Variants in KIF15 observed in about 807,000 individuals in gnomAD.
KIF15 encodes the protein kinesin family member 15, also known as kinesin-like protein KIF15.
In KIF15, 140 loss-of-function variants were observed where a neutral mutation model predicts 190.6. That is an observed-to-expected ratio of 0.73 (90% CI 0.64 to 0.84). The LOEUF (loss-of-function observed/expected upper bound fraction) is 0.84. KIF15 is among the 40% of genes least tolerant of loss of function. The probability of loss-of-function intolerance (pLI) is 0.00; values close to 1 mark genes in which losing one functional copy is unlikely to be tolerated. For synonymous variants in KIF15, 528 were observed against 551.3 expected, an observed-to-expected ratio of 0.96 and a Z score of 0.59; for missense variants, 1,372 against 1,584.4, an observed-to-expected ratio of 0.87 and a Z score of 2.28.
chr3:44,768,272 CA>C (rs961268295), intron 1 of KIF15, among the ~76,000 whole-genome samples: 8 of 127,972 alleles, frequency 6.3e-5, no homozygotes, highest in Admixed American at 1.6e-4. Context: ...GACTCCGTCT[CA>C]AAAAAAAAAG....
intron 30 of KIF15, among the ~76,000 whole-genome samples, chr3:44,843,576 T>A (rs1306247551): frequency 6.6e-6 from 1 of 152,238 alleles, no homozygotes; most frequent in Non-Finnish European, 1.5e-5. Flanking sequence ...GAGAATTCCC[T>A]ACTAGTTGGC....
chr3:44,780,979 C>T, intron 5 of KIF15, 57 bp downstream of exon 5: 1 of 1,260,212 alleles, frequency 7.9e-7, no homozygotes, highest in South Asian at 1.3e-5. Context: ...TAACAGTAAC[C>T]TACAACATTT....
At chr3:44,816,823 C>A (rs1297755437) in intron 20 of KIF15, among the ~76,000 whole-genome samples, 1 of 152,182 alleles carries the variant, frequency 6.6e-6, no homozygotes, top group Admixed American at 6.5e-5. Context: ...ACACTGTCTT[C>A]CACAATGGTT....
At position 44,810,980 on chromosome 3, in the gene KIF15, A is replaced by G; in HGVS notation, c.2106A>G (p.Pro702=). The change falls in exon 17 of 35, where the codon CCA becomes CCG. Residue 702 remains proline (P), a synonymous_variant. Transcript: ENST00000326047. ...SILDNDILNE[P]VPPEMNEQAF... Reference sequence around the variant, plus strand: ...TAGATAATGATATATTAAATGAGCCAGTTCCTCCTGAGATGAATGAACAAG... The same window carrying G: ...TAGATAATGATATATTAAATGAGCCGGTTCCTCCTGAGATGAATGAACAAG... 6.2e-7 allele frequency: 1 copy of G among 1,613,960 alleles called. No individual in the cohort carries two copies. The highest frequency in any genetic ancestry group is 8.5e-7 in the Non-Finnish European group (1 of 1,179,880).
intron 10 of KIF15, 122 bp from the exon 11 acceptor site, chr3:44,800,192 T>G: frequency 2.4e-6 from 2 of 833,160 alleles, no homozygotes; most frequent in Non-Finnish European, 3.7e-6. Flanking sequence ...CTTTTGACTA[T>G]GATGTGGTCT....
intron 6 of KIF15, chr3:44,864,137 A>AGG: frequency 1.2e-6 from 2 of 1,606,886 alleles, no homozygotes; most frequent in Non-Finnish European, 1.7e-6. Context: ...GTGTGCTTTG[A>AGG]GGGGGTCTGC....
rs542519779 is a variant in KIF15, at chr3:44,819,852, G to A, written c.2549+4776G>A. On this transcript the variant is annotated intron_variant, in intron 20 of 34. Coordinates refer to ENST00000326047, the MANE Select transcript of KIF15 (RefSeq NM_020242.3). ...CTAATATTGACAGTGGGGTGTTAAAGTCTCCCATTATTATTGTGTGGGAGT... is the reference window on the plus strand; with the variant it reads ...CTAATATTGACAGTGGGGTGTTAAAATCTCCCATTATTATTGTGTGGGAGT... Among the ~76,000 whole-genome samples, 9 of 152,260 alleles carry A rather than the reference G, an allele frequency of 5.9e-5. No individual in the cohort carries two copies. In the South Asian group the frequency reaches 1.9e-3, roughly 32 times the overall value.
chr3:44,809,004 G>A (rs1707657526), intron 16 of KIF15, among the ~76,000 whole-genome samples: 1 of 152,210 alleles, frequency 6.6e-6, no homozygotes, highest in South Asian at 2.1e-4. Context: ...TTCCGTTAAA[G>A]GAGAAGTGGT....
At chr3:44,788,723 G>A (rs949011517) in intron 7 of KIF15, among the ~76,000 whole-genome samples, 13 of 152,072 alleles carry the variant, frequency 8.5e-5, no homozygotes, top group Non-Finnish European at 1.9e-4. Context: ...TCCCACTATA[G>A]GCGTGAGACA....
At chr3:44,837,370 A>G (rs1351657154) in intron 26 of KIF15, among the ~76,000 whole-genome samples, 3 of 152,220 alleles carry the variant, frequency 2.0e-5, no homozygotes, top group Non-Finnish European at 4.4e-5. Context: ...GAAATAATCT[A>G]GATACAAGAA....
At chr3:44,777,887 A>G (rs2125907030) in intron 3 of KIF15, among the ~76,000 whole-genome samples, 1 of 152,324 alleles carries the variant, frequency 6.6e-6, no homozygotes, top group South Asian at 2.1e-4. Context: ...ATGCTCTACA[A>G]AATTCTGTAT....
chr3:44,794,117 G>A, intron 7 of KIF15, 100 bp from the exon 8 acceptor site: 1 of 908,292 alleles, frequency 1.1e-6, no homozygotes. Flanking sequence ...CTATCCACAA[G>A]TGATCCTCCA....
In KIF15 at chr3:44,813,071, A is replaced by T. The variant is rs3762636; in HGVS notation, c.2278-4A>T. The T allele has an allele frequency of 6.4e-7, 1 of 1,556,994 alleles. No homozygotes were observed. Among genetic ancestry groups the T allele is most frequent in the South Asian group, 1.2e-5 (1 of 83,110 alleles). ...TTCCAGTAAATTTATCTTTTTTCCC[A>T]AAGCTTTTCTCATCAGAAAGAATTG... On this transcript the variant is annotated splice_polypyrimidine_tract_variant and splice_region_variant and intron_variant, in intron 18 of 34. Transcript: ENST00000326047.
chr3:44,774,308 T>C (rs1221379130), intron 1 of KIF15, 87 bp from the exon 2 acceptor site: 1 of 1,165,842 alleles, frequency 8.6e-7, no homozygotes, highest in Non-Finnish European at 1.3e-6. Flanking sequence ...AGGCTGAATG[T>C]AGCAGGCAAC....
chr3:44,801,497 T>C lies in KIF15; in HGVS notation c.1270T>C (p.Phe424Leu). Residue 424 changes from phenylalanine to leucine, a missense_variant, in exon 12 of 35, where the codon TTC (phenylalanine) becomes CTC (leucine). Transcript: ENST00000326047. The stretch of plus-strand genomic sequence containing the variant: ...GGAGTATTTCCAGGAAGCAATGTTA[T>C]TCTTTAAGAAATCTGAACAGGAAAA... ...YMEYFQEAMLFFKKSEQEKKS... is the reference protein window; with the variant it reads ...YMEYFQEAMLLFKKSEQEKKS... 3 of 1,572,196 alleles carry C rather than the reference T, an allele frequency of 1.9e-6. No homozygotes were observed. The highest frequency in any genetic ancestry group is 2.6e-6 in the Non-Finnish European group (3 of 1,142,392).
chr3:44,861,643 T>C (rs1195840793), intron 6 of KIF15, among the ~76,000 whole-genome samples: 1 of 152,146 alleles, frequency 6.6e-6, no homozygotes, highest in Non-Finnish European at 1.5e-5. Flanking sequence ...GCGAGAAGTT[T>C]ACCTTCTACC....
chr3:44,778,136 G>A lies in KIF15; in HGVS notation c.268G>A (p.Ala90Thr). Reference sequence around the variant, plus strand: ...GTAGGAATCTGTATTCGCAACTGTGGCTAAAAGCATTGTGGAGTCTTGCAT... The same window carrying A: ...GTAGGAATCTGTATTCGCAACTGTGACTAAAAGCATTGTGGAGTCTTGCAT... ...TTQESVFATV[A>T]KSIVESCMSG... The change falls in exon 4 of 35, where the codon GCT (alanine) becomes ACT (threonine). Residue 90 changes from alanine to threonine, a missense_variant. Ala to Thr is a moderately conservative substitution (Grantham distance 58, BLOSUM62 0). Transcript: ENST00000326047. 1.9e-6 allele frequency: 3 copies of A among 1,613,798 alleles called. No homozygotes were observed. The highest frequency in any genetic ancestry group is 2.5e-6 in the Non-Finnish European group (3 of 1,179,686).
chr3:44,798,448 C>T (rs1707101143), intron 10 of KIF15, among the ~76,000 whole-genome samples: 1 of 151,996 alleles, frequency 6.6e-6, no homozygotes, highest in Non-Finnish European at 1.5e-5. Flanking sequence ...TCAGCTGGGA[C>T]TACAGGCGCC....
chr3:44,834,289 C>T (rs1302020429), intron 26 of KIF15, among the ~76,000 whole-genome samples: 2 of 151,944 alleles, frequency 1.3e-5, no homozygotes, highest in African/African-American at 4.8e-5. Context: ...AGTACTTAGC[C>T]AATGCAGTAA....
Sources: gnomAD v4.1 joint callset for allele counts (sites outside exome capture counted in the v4.1 genomes callset) on GRCh38, gnomAD v4.1.1 for gene constraint, MANE v1.5 for transcripts, NCBI Gene and HGNC (gene_info 2026-07-23, HGNC 2026-07-21) for gene names.